The following CORIN variants were observed in gnomAD, a reference collection of about 807,000 sequenced individuals.
The protein encoded by CORIN is corin, serine peptidase.
In CORIN, 117 loss-of-function variants were observed where a neutral mutation model predicts 125.3. The ratio of observed to expected loss-of-function variants is 0.93; its 90% CI spans 0.80 to 1.09. The LOEUF (loss-of-function observed/expected upper bound fraction) is 1.09. CORIN is among the 50% of genes least tolerant of loss of function. The pLI is 0.00. For missense variants in CORIN, 1,253 were observed against 1,306.7 expected (o/e 0.96, Z 0.63); for synonymous variants, 450 against 466.4 (o/e 0.96, Z 0.45).
intron 3 of CORIN, among the ~76,000 whole-genome samples, chr4:47,770,832 C>G (rs1474564194): frequency 6.6e-6 from 1 of 152,022 alleles, no homozygotes; most frequent in Non-Finnish European, 1.5e-5. Context: ...AAGTTGAACT[C>G]ATAGAAGCAG....
intron 5 of CORIN, among the ~76,000 whole-genome samples, chr4:47,737,996 TA>T (rs35645880): frequency 0.1 from 14,858 of 148,198 alleles, 859 homozygotes; most frequent in East Asian, 0.27. Flanking sequence ...GGGGTGTTTC[TA>T]AAAAAAAAAA....
intron 5 of CORIN, among the ~76,000 whole-genome samples, chr4:47,702,957 T>C (rs150353940): frequency 0.016 from 2,394 of 152,248 alleles, 71 homozygotes; most frequent in African/African-American, 0.054. Context: ...CTGGGATACA[T>C]GTGCAGAACG....
At chr4:47,791,624 A>C (rs945526611) in intron 2 of CORIN, among the ~76,000 whole-genome samples, 1 of 152,208 alleles carries the variant, frequency 6.6e-6, no homozygotes, top group East Asian at 1.9e-4. Flanking sequence ...AGAGTGAATT[A>C]GCTTGCTCAA....
intron 1 of CORIN, among the ~76,000 whole-genome samples, chr4:47,833,183 A>G (rs1319749386): frequency 6.6e-6 from 1 of 152,194 alleles, no homozygotes; most frequent in Admixed American, 6.5e-5. Flanking sequence ...AGCTACACTA[A>G]TCAAAACAGT....
At chr4:47,803,447 T>G (rs935954530) in intron 2 of CORIN, among the ~76,000 whole-genome samples, 7 of 152,148 alleles carry the variant, frequency 4.6e-5, no homozygotes, top group Non-Finnish European at 8.8e-5. Flanking sequence ...ATTACCTGAC[T>G]TCAAATAATA....
intron 5 of CORIN, among the ~76,000 whole-genome samples, chr4:47,713,840 CT>C (rs1241013246): frequency 4.0e-5 from 6 of 150,612 alleles, no homozygotes; most frequent in Non-Finnish European, 5.9e-5. Flanking sequence ...CTCAGGGAAT[CT>C]TTTTTTTTAA....
At chr4:47,623,117 T>TATATATATATATATACACACACAC (rs141525347) in intron 19 of CORIN, among the ~76,000 whole-genome samples, 6 of 134,518 alleles carry the variant, frequency 4.5e-5, no homozygotes, top group African/African-American at 1.9e-4. Context: ...TATATATATA[T>TATATATATATATATACACACACAC]ACACACACAC....
At chr4:47,656,776 T>C (rs1259473400) in intron 12 of CORIN, among the ~76,000 whole-genome samples, 1 of 152,200 alleles carries the variant, frequency 6.6e-6, no homozygotes, top group African/African-American at 2.4e-5. Flanking sequence ...ATAGAAGTCC[T>C]AGCTGAAGCA....
chr4:47,790,989 A>G (rs1453307655), intron 2 of CORIN, among the ~76,000 whole-genome samples: 1 of 152,216 alleles, frequency 6.6e-6, no homozygotes, highest in Non-Finnish European at 1.5e-5. Context: ...ATTCCTTGTA[A>G]TGAAGAGATT....
intron 19 of CORIN, among the ~76,000 whole-genome samples, chr4:47,608,448 G>T (rs1721746665): frequency 6.6e-6 from 1 of 152,244 alleles, no homozygotes; most frequent in African/African-American, 2.4e-5. Flanking sequence ...AGCAAGGAGA[G>T]CTGGCACATC....
intron 3 of CORIN, among the ~76,000 whole-genome samples, chr4:47,771,618 A>AGTGTGAATTGTTTCCCTCT (rs1730034043): frequency 6.6e-6 from 1 of 152,128 alleles, no homozygotes; most frequent in African/African-American, 2.4e-5. Flanking sequence ...GATAGACCCC[A>AGTGTGAATTGTTTCCCTCT]GTGTGAATTG....
chr4:47,810,471 G>C (rs1444239841), intron 1 of CORIN, among the ~76,000 whole-genome samples: 1 of 152,122 alleles, frequency 6.6e-6, no homozygotes, highest in Non-Finnish European at 1.5e-5. Flanking sequence ...TACTAATCTT[G>C]TTACTGAAAA....
chr4:47,704,839 T>G (rs965748568), intron 5 of CORIN, among the ~76,000 whole-genome samples: 19 of 151,796 alleles, frequency 1.3e-4, no homozygotes, highest in African/African-American at 4.6e-4. Flanking sequence ...TGAGAGAAGG[T>G]TCATTTTTTT....
At chr4:47,791,004 A>G (rs900015590) in intron 2 of CORIN, among the ~76,000 whole-genome samples, 1 of 152,234 alleles carries the variant, frequency 6.6e-6, no homozygotes, top group Non-Finnish European at 1.5e-5. Context: ...GAGATTGGGC[A>G]CTGTGGTAGA....
At chr4:47,713,657 G>A (rs967855240) in intron 5 of CORIN, among the ~76,000 whole-genome samples, 23 of 151,964 alleles carry the variant, frequency 1.5e-4, no homozygotes, top group African/African-American at 5.3e-4. Context: ...TCTTCTCCAC[G>A]ATGTAATCAC....
chr4:47,622,136 G>A (rs1577746302), intron 19 of CORIN, among the ~76,000 whole-genome samples: 3 of 149,888 alleles, frequency 2.0e-5, no homozygotes, highest in African/African-American at 7.4e-5. Context: ...TACTGAGAAT[G>A]ATGATTTCCA....
intron 1 of CORIN, among the ~76,000 whole-genome samples, chr4:47,821,570 A>G (rs556254921): frequency 2.0e-4 from 30 of 152,184 alleles, no homozygotes; most frequent in Non-Finnish European, 4.0e-4. Flanking sequence ...TAAAATTATA[A>G]GAAGTTGATA....
At chr4:47,635,886 T>C (rs1723004536) in intron 16 of CORIN, among the ~76,000 whole-genome samples, 1 of 152,192 alleles carries the variant, frequency 6.6e-6, no homozygotes. Flanking sequence ...CAAGGGCTTC[T>C]AACAGAAATA....
rs917498251 is a variant in CORIN, at chr4:47,603,313, A to C, written c.2812+84T>G. ...CCCCATCCCTGCAGAACTGTGAATC[A>C]ATTAAACTTCTTTCCTTTATAAATT... On this transcript the variant is annotated intron_variant, in intron 20 of 21. Coordinates refer to ENST00000273857, the MANE Select transcript of CORIN (RefSeq NM_006587.4). The C allele has an allele frequency of 1.3e-5, 18 of 1,413,782 alleles. No homozygotes were observed. The African/African-American group carries it at 2.0e-4, about 15-fold the overall frequency. 87.6% of individuals were successfully genotyped at this position (1,413,782 alleles called of 1,614,324 possible). A position where few individuals can be genotyped will look rare whatever the true frequency, so the allele number is the denominator to read the frequency against.
Sources: allele counts gnomAD v4.1 joint callset (sites outside exome capture counted in the v4.1 genomes callset), GRCh38; gene constraint gnomAD v4.1.1; transcripts MANE v1.5; gene names NCBI Gene and HGNC (gene_info 2026-07-23, HGNC 2026-07-21).